The following DNAH10 variants were observed in gnomAD, a reference collection of about 807,000 sequenced individuals.
The protein encoded by DNAH10 is axonemal beta dynein heavy chain 10.
Under a neutral mutation model 506.6 loss-of-function variants are expected in DNAH10, and 348 were observed. The observed-to-expected ratio is 0.69, with a 90% confidence interval of 0.63 to 0.75. The LOEUF is 0.75. DNAH10 is among the 30% of genes least tolerant of loss of function. The pLI, the probability that DNAH10 is intolerant of heterozygous loss-of-function variation, is 0.00. For missense variants in DNAH10, 5,179 were observed against 5,787.1 expected (o/e 0.89, Z 3.41); for synonymous variants, 2,059 against 2,198.6 (o/e 0.94, Z 1.78).
At position 123,903,210 on chromosome 12, in the gene DNAH10, T is replaced by G; in HGVS notation, c.9815+97T>G. ...AACCAGGAGCTTACAAAGGAGCCGA[T>G]GCCACATGCTGCCACTGTGCCTGGC... On this transcript the variant is annotated intron_variant, in intron 57 of 78. Transcript: ENST00000673944. This position sits in a 1 kb window ranked among gnomAD's most constrained non-coding sequence, Gnocchi z 4.6. 7.3e-7 allele frequency: 1 copy of G among 1,361,220 alleles called. No individual in the cohort carries two copies. Among genetic ancestry groups the G allele is most frequent in the East Asian group, 2.5e-5 (1 of 39,636 alleles). 84.3% of individuals were successfully genotyped at this position (1,361,220 alleles called of 1,614,324 possible).
At chr12:123,868,237 T>C (rs535013055) in intron 43 of DNAH10, 118 bp downstream of exon 43, 1 of 946,328 alleles carries the variant, frequency 1.1e-6, no homozygotes, top group Non-Finnish European at 1.6e-6. Flanking sequence ...TGTTTGCTTC[T>C]TTAGAGAAAC....
At position 123,903,808 on chromosome 12, in the gene DNAH10, C is replaced by T. The variant is rs1953644822; in HGVS notation, c.9815+695C>T. Among the ~76,000 whole-genome samples, 2 of 152,202 alleles carry T rather than the reference C, an allele frequency of 1.3e-5. No individual in the cohort carries two copies. Among genetic ancestry groups the T allele is most frequent in the Non-Finnish European group, 2.9e-5 (2 of 68,036 alleles). On this transcript the variant is annotated intron_variant, in intron 57 of 78. Transcript: ENST00000673944. The surrounding 1 kb of genome is among the most constrained non-coding windows in gnomAD (Gnocchi z 4.6). The stretch of plus-strand genomic sequence containing the variant: ...ACACTGTCCTGGTGCCAGCCTCCGC[C>T]CACTGCCTCTGCCCCTGTGCTGCCT...
At position 123,767,696 on chromosome 12, in the gene DNAH10, A is replaced by G; in HGVS notation, c.298+7A>G. 6.2e-7 allele frequency: 1 copy of G among 1,608,892 alleles called. No homozygotes were observed. Among genetic ancestry groups the G allele is most frequent in the Non-Finnish European group, 8.5e-7 (1 of 1,177,536 alleles). On this transcript the variant is annotated splice_region_variant and intron_variant, in intron 2 of 78. Coordinates refer to ENST00000673944, the MANE Select transcript of DNAH10 (RefSeq NM_001372106.1). Reference sequence around the variant, plus strand: ...TCCGTGGATAAAGTGCGAGGTGTGGAGTTGGGAGGGGTCATGGGAGGGTGG... The same window carrying G: ...TCCGTGGATAAAGTGCGAGGTGTGGGGTTGGGAGGGGTCATGGGAGGGTGG...
intron 17 of DNAH10, among the ~76,000 whole-genome samples, chr12:123,804,330 C>A (rs1023699156): frequency 4.6e-5 from 7 of 151,974 alleles, no homozygotes; most frequent in African/African-American, 1.7e-4. Context: ...TCGAGACCAT[C>A]CTGGCTAACA....
Position 123,931,456 on chromosome 12 carries a change from G to A in DNAH10, c.12900G>A (p.Glu4300=). 1 of 1,613,842 alleles carries A rather than the reference G, an allele frequency of 6.2e-7. No individual in the cohort carries two copies. The highest frequency in any genetic ancestry group is 1.1e-5 in the South Asian group (1 of 91,064). ...GAGACATGTGGGCTCACCTGCTGGA[G>A]CTGCAGCCTCAGACAGGTAAACTCT... ...AARDMWAHLL[E]LQPQTGESSS... Residue 4300 remains glutamate (E), a synonymous_variant, in exon 74 of 79, where the codon GAG becomes GAA. Transcript: ENST00000673944.
rs1043047940 is a variant in DNAH10, at chr12:123,771,628, C to G, written c.326C>G (p.Ser109Cys). ...AAGCGTGTGTCACTGAGAACCGAATCTCTAGGCCAACCTCTAAACAGAGAG... is the reference window on the plus strand; with the variant it reads ...AAGCGTGTGTCACTGAGAACCGAATGTCTAGGCCAACCTCTAAACAGAGAG... The part of the protein sequence containing the change: ...RAKRVSLRTE[S>C]LGQPLNREDE... Residue 109 changes from serine (S) to cysteine (C), a missense_variant, in exon 3 of 79, where the codon TCT becomes TGT. Physicochemically the swap from Ser to Cys is moderately radical, Grantham distance 112. Coordinates refer to ENST00000673944, the MANE Select transcript of DNAH10 (RefSeq NM_001372106.1). The G allele has an allele frequency of 2.5e-6, 4 of 1,613,596 alleles. No individual in the cohort carries two copies. The African/African-American group carries it at 4.0e-5, about 16-fold the overall frequency.
intron 41 of DNAH10, among the ~76,000 whole-genome samples, chr12:123,866,508 G>T (rs1173864828): frequency 1.3e-5 from 2 of 152,120 alleles, no homozygotes; most frequent in Non-Finnish European, 2.9e-5. Flanking sequence ...CTCCCAAAGT[G>T]CTGGGATTAC....
intron 37 of DNAH10, among the ~76,000 whole-genome samples, chr12:123,858,406 G>A (rs913620632): frequency 2.5e-4 from 38 of 152,168 alleles, no homozygotes; most frequent in Admixed American, 3.3e-4. Flanking sequence ...GGTACCGGCC[G>A]TGGACGAGAG....
Position 123,917,875 on chromosome 12 carries a change from C to G in DNAH10, c.11232+62C>G, listed in dbSNP as rs1954556589. The G allele has an allele frequency of 6.7e-7, 1 of 1,500,512 alleles. No individual in the cohort carries two copies. Among genetic ancestry groups the G allele is most frequent in the Non-Finnish European group, 9.0e-7 (1 of 1,107,102 alleles). 92.9% of individuals were successfully genotyped at this position (1,500,512 alleles called of 1,614,324 possible). On this transcript the variant is annotated intron_variant, in intron 64 of 78. Transcript: ENST00000673944. The surrounding 1 kb of genome is among the most constrained non-coding windows in gnomAD (Gnocchi z 5.6). ...GGGCCTGCATGCGCCGTTGGAGCGT[C>G]CATTTCTCTGTCTGCTCAATGAGAA...
chr12:123,833,331 T>C lies in DNAH10; in HGVS notation c.4763T>C (p.Ile1588Thr). The C allele has an allele frequency of 6.2e-7, 1 of 1,611,614 alleles. No individual in the cohort carries two copies. Among genetic ancestry groups the C allele is most frequent in the Non-Finnish European group, 8.5e-7 (1 of 1,178,798 alleles). ...VHKWEKTLSLIGEVIEIWMLV... is the reference protein window; with the variant it reads ...VHKWEKTLSLTGEVIEIWMLV... The stretch of plus-strand genomic sequence containing the variant: ...AAATGGGAAAAAACGCTTTCTCTAA[T>C]AGGGGAAGTCATTGAGGTGAGAGAA... Residue 1588 changes from isoleucine to threonine, a missense_variant, in exon 27 of 79, where the codon ATA becomes ACA. Around this residue, in one of 3 missense-constraint regions of DNAH10, gnomAD observed 4,844 missense variants for 5,430.5 expected, o/e 0.89. Transcript: ENST00000673944.
intron 1 of DNAH10, among the ~76,000 whole-genome samples, chr12:123,764,548 A>C (rs1391859115): frequency 6.6e-6 from 1 of 152,160 alleles, no homozygotes; most frequent in Non-Finnish European, 1.5e-5. Context: ...TTCTTGCAGA[A>C]GCCCTCCAAG....
chr12:123,818,669 A>G (rs919071988), intron 21 of DNAH10, among the ~76,000 whole-genome samples: 2 of 152,036 alleles, frequency 1.3e-5, no homozygotes, highest in African/African-American at 4.8e-5. Context: ...ATTTACAGAG[A>G]TACAGTCTCA....
Position 123,771,849 on chromosome 12 carries a change from T to G in DNAH10, c.396+151T>G, listed in dbSNP as rs150331875. ...CAAGGCCACCCTCAGATTCAGTGAT[T>G]GGCTGGAAGGACTCACAGGACCCAG... On this transcript the variant is annotated intron_variant, in intron 3 of 78. Transcript: ENST00000673944. 6.8e-3 allele frequency among the ~76,000 whole-genome samples: 1,033 copies of G among 152,300 alleles called. 12 individuals carry two copies. The highest frequency in any genetic ancestry group is 0.021 in the Middle Eastern group (6 of 292).
rs1594405728 is a variant in DNAH10 at position 123,928,050 on chromosome 12, T to C, written c.12106-337T>C. ...ACAGTCCCGACTTCCTGGTGGGCTT[T>C]AGCTGGTCTCTTGCAGCCCTGCTCA... On this transcript the variant is annotated intron_variant, in intron 69 of 78. Transcript: ENST00000673944. This position sits in a 1 kb window ranked among gnomAD's most constrained non-coding sequence, Gnocchi z 4.9. The C allele has an allele frequency of 2.5e-6, 1 of 399,848 alleles. No homozygotes were observed. Among genetic ancestry groups the C allele is most frequent in the Non-Finnish European group, 4.5e-6 (1 of 221,026 alleles). The allele number at this position is 399,848 out of a possible 1,614,324, so 24.8% of individuals were successfully genotyped here.
chr12:123,832,403 C>T (rs529608128), intron 26 of DNAH10, among the ~76,000 whole-genome samples: 2 of 152,202 alleles, frequency 1.3e-5, no homozygotes, highest in African/African-American at 4.8e-5. Context: ...ATAGTATATA[C>T]ACATGTATAC....
intron 42 of DNAH10, 132 bp downstream of exon 42, chr12:123,867,733 C>T (rs778090437): frequency 7.8e-6 from 11 of 1,413,704 alleles, no homozygotes; most frequent in Non-Finnish European, 1.1e-5. Flanking sequence ...AAGGCGGGCG[C>T]CGTGCTTGCT....
chr12:123,801,790 G>A (rs575629737), intron 16 of DNAH10, among the ~76,000 whole-genome samples: 1 of 151,504 alleles, frequency 6.6e-6, no homozygotes, highest in African/African-American at 2.4e-5. Context: ...TTTTCCCTAA[G>A]TAGTAACTTC....
In DNAH10 at chr12:123,868,622, A is replaced by G. The variant is rs531471937; in HGVS notation, c.7519+503A>G. Among the ~76,000 whole-genome samples, 45 of 152,370 alleles carry G rather than the reference A, an allele frequency of 3.0e-4. 1 individual carries two copies. In the South Asian group the frequency reaches 7.2e-3, roughly 25 times the overall value. On this transcript the variant is annotated intron_variant, in intron 43 of 78. Transcript: ENST00000673944. ...TTTTGCACAAAAATGTGCATCTTCA[A>G]TGAATCATACATGATGAAAAAGATG...
chr12:123,857,022 A>G (rs1336119334), intron 36 of DNAH10, 34 bp from the exon 37 acceptor site: 1 of 1,569,006 alleles, frequency 6.4e-7, no homozygotes, highest in African/African-American at 1.4e-5. Flanking sequence ...TTCCTTTGGA[A>G]ATCTCTTGGA....
Sources: allele counts gnomAD v4.1 joint callset (sites outside exome capture counted in the v4.1 genomes callset), GRCh38; gene constraint gnomAD v4.1.1; regional missense constraint gnomAD v4.1.1; non-coding constraint Gnocchi (gnomAD v3.1); transcripts MANE v1.5; gene names NCBI Gene and HGNC (gene_info 2026-07-23, HGNC 2026-07-21).